CERS1: variants seen among roughly 807,000 people sequenced by gnomAD.
CERS1 encodes ceramide synthase 1.
Under a neutral mutation model 35.7 loss-of-function variants are expected in CERS1, and 16 were observed. That is an observed-to-expected ratio of 0.45 (90% CI 0.30 to 0.68). The LOEUF (loss-of-function observed/expected upper bound fraction) is 0.68. CERS1 is among the 30% of genes least tolerant of loss of function. The pLI is 0.08. For synonymous variants in CERS1, 243 were observed against 201.6 expected (o/e 1.21, Z -1.74); for missense variants, 454 against 453.9 (o/e 1.00, Z 0.00).
At position 18,878,830 on chromosome 19, in the gene CERS1, G is replaced by A. The variant is rs1263058637; in HGVS notation, c.1010+100C>T. On this transcript the variant is annotated intron_variant, in intron 6 of 7. Transcript: ENST00000623882. The surrounding 1 kb of genome is among the most constrained non-coding windows in gnomAD (Gnocchi z 4.6). ...AGGCTTGGGGGGCAGCATCCGCGTC[G>A]GCCTCATCTGCTGCTGGGTCTTGGG... 6 of 1,524,946 alleles carry A rather than the reference G, an allele frequency of 3.9e-6. No individual in the cohort carries two copies. The highest frequency in any genetic ancestry group is 4.4e-6 in the Non-Finnish European group (5 of 1,137,058). 94.5% of individuals were successfully genotyped at this position (1,524,946 alleles called of 1,614,324 possible). A position where few individuals can be genotyped will look rare whatever the true frequency, so the allele number is the denominator to read the frequency against.
At chr19:18,886,324 CG>C (rs1422640689) in intron 2 of CERS1, among the ~76,000 whole-genome samples, 2 of 151,992 alleles carry the variant, frequency 1.3e-5, no homozygotes, top group African/African-American at 4.8e-5. Context: ...CCGAGGCGGG[CG>C]GATCACAAGG....
rs533711419 is a variant in CERS1 at position 18,868,949 on chromosome 19, T to C, written c.*1036A>G. ...CCCGGGGCCGCCGCCCAACACGGGTTCGGCGTCGCGCCGCGGCCGGGCCAG... is the reference window on the plus strand; with the variant it reads ...CCCGGGGCCGCCGCCCAACACGGGTCCGGCGTCGCGCCGCGGCCGGGCCAG... On this transcript the variant is annotated 3_prime_UTR_variant, in exon 8 of 8. Coordinates refer to ENST00000623882, the MANE Select transcript of CERS1 (RefSeq NM_021267.5). 3.5e-5 allele frequency: 43 copies of C among 1,221,118 alleles called. No homozygotes were observed. In the African/African-American group the frequency reaches 5.8e-4, roughly 16 times the overall value. The allele number at this position is 1,221,118 out of a possible 1,614,324, so 75.6% of individuals were successfully genotyped here. A position where few individuals can be genotyped will look rare whatever the true frequency, so the allele number is the denominator to read the frequency against.
At chr19:18,869,522 C>T (rs2055923700) in intron 7 of CERS1, 132 bp from the exon 8 acceptor site, 7 of 845,696 alleles carry the variant, frequency 8.3e-6, no homozygotes, top group Non-Finnish European at 1.0e-5. Context: ...TGTGAAGCGG[C>T]GGGGTGGGCT....
At position 18,883,957 on chromosome 19, in the gene CERS1, C is replaced by T; in HGVS notation, c.590+130G>A. The stretch of plus-strand genomic sequence containing the variant: ...CTCGTCGGACCCCTGAGCACTCTGA[C>T]CTTGGAACCCTGAGCACTCCGACCT... On this transcript the variant is annotated intron_variant, in intron 3 of 7. Transcript: ENST00000623882. The T allele has an allele frequency of 4.0e-6, 4 of 991,976 alleles. No homozygotes were observed. In the South Asian group the frequency reaches 5.2e-5, roughly 13 times the overall value. 61.4% of individuals were successfully genotyped at this position (991,976 alleles called of 1,614,324 possible). A position where few individuals can be genotyped will look rare whatever the true frequency, so the allele number is the denominator to read the frequency against.
rs2056614156 is a variant in CERS1, at chr19:18,895,890, C to T, written c.183G>A (p.Leu61=). 2.4e-5 allele frequency: 31 copies of T among 1,273,184 alleles called. No homozygotes were observed. Among genetic ancestry groups the T allele is most frequent in the Non-Finnish European group, 3.1e-5 (31 of 1,010,454 alleles). The allele number at this position is 1,273,184 out of a possible 1,614,324, so 78.9% of individuals were successfully genotyped here. Residue 61 remains leucine (L), a synonymous_variant, in exon 1 of 8, where the codon CTG becomes CTA. Transcript: ENST00000623882. This position sits in a 1 kb window ranked among gnomAD's most constrained non-coding sequence, Gnocchi z 6.4. ...EHAHLAPPEL[L]LLALGALGWT... Reference sequence around the variant, plus strand: ...AGCCCAGCGCGCCGAGCGCCAGCAGCAGCAGCTCGGGCGGCGCCAGGTGCG... The same window carrying T: ...AGCCCAGCGCGCCGAGCGCCAGCAGTAGCAGCTCGGGCGGCGCCAGGTGCG...
chr19:18,873,894 A>G (rs768036018), intron 6 of CERS1, among the ~76,000 whole-genome samples: 20 of 151,530 alleles, frequency 1.3e-4, no homozygotes, highest in Non-Finnish European at 2.2e-4. Context: ...GGTTAGCACC[A>G]AGAGAGCCAC....
At position 18,878,764 on chromosome 19, in the gene CERS1, C is replaced by G. The variant is rs2056114295; in HGVS notation, c.1010+166G>C. The G allele has an allele frequency of 6.9e-7, 1 of 1,442,820 alleles. No individual in the cohort carries two copies. Among genetic ancestry groups the G allele is most frequent in the East Asian group, 2.6e-5 (1 of 39,144 alleles). The allele number at this position is 1,442,820 out of a possible 1,614,324, so 89.4% of individuals were successfully genotyped here. A position where few individuals can be genotyped will look rare whatever the true frequency, so the allele number is the denominator to read the frequency against. ...ACTGTCCTGTCCTTCAGGGTACTGG[C>G]CACATCGTCCACGCCTTTATTGCAG... On this transcript the variant is annotated intron_variant, in intron 6 of 7. Coordinates refer to ENST00000623882, the MANE Select transcript of CERS1 (RefSeq NM_021267.5). The surrounding 1 kb of genome is among the most constrained non-coding windows in gnomAD (Gnocchi z 4.6).
rs1220079011 is a variant in CERS1 at position 18,870,136 on chromosome 19, C to T, written c.*441G>A. On this transcript the variant is annotated 3_prime_UTR_variant, in exon 7 of 8. Coordinates refer to ENST00000623882, the MANE Select transcript of CERS1 (RefSeq NM_021267.5). The surrounding 1 kb of genome is among the most constrained non-coding windows in gnomAD (Gnocchi z 5.1). Reference sequence around the variant, plus strand: ...AACAGGCGCCACATGACCGGGGGAACCGGCCGGAGCCTGGGGGCACCCTGG... The same window carrying T: ...AACAGGCGCCACATGACCGGGGGAATCGGCCGGAGCCTGGGGGCACCCTGG... 1 of 1,564,324 alleles carries T rather than the reference C, an allele frequency of 6.4e-7. No homozygotes were observed. Among genetic ancestry groups the T allele is most frequent in the South Asian group, 1.2e-5 (1 of 85,862 alleles).
At position 18,884,286 on chromosome 19, in the gene CERS1, CA is replaced by C; in HGVS notation, c.410-20del. On this transcript the variant is annotated intron_variant, in intron 2 of 7. Transcript: ENST00000623882. ...GTCCAGTCTGGGGAGAGCCAAATCT[CA>C]CAGTCAGGGCCCTGCGAAGCCTCTA... 1 of 1,602,618 alleles carries C rather than the reference CA, an allele frequency of 6.2e-7. No homozygotes were observed. Among genetic ancestry groups the C allele is most frequent in the Non-Finnish European group, 8.5e-7 (1 of 1,176,058 alleles).
In CERS1 at chr19:18,869,245, TGCC is replaced by T. The variant is rs571387097; in HGVS notation, c.*737_*739del. 2.2e-4 allele frequency: 311 copies of T among 1,421,404 alleles called. No individual in the cohort carries two copies. Among genetic ancestry groups the T allele is most frequent in the South Asian group, 8.2e-4 (56 of 67,904 alleles). The allele number at this position is 1,421,404 out of a possible 1,614,324, so 88.0% of individuals were successfully genotyped here. A position where few individuals can be genotyped will look rare whatever the true frequency, so the allele number is the denominator to read the frequency against. On this transcript the variant is annotated 3_prime_UTR_variant, in exon 8 of 8. Transcript: ENST00000623882. ...TCAGCTCCCAGCCGCCCTCCGGGGC[TGCC>T]GCCGCCGCCGCCGCGAAACGCAGCT...
intron 2 of CERS1, among the ~76,000 whole-genome samples, chr19:18,891,445 G>A (rs1330799822): frequency 6.6e-6 from 1 of 152,128 alleles, no homozygotes; most frequent in Non-Finnish European, 1.5e-5. Flanking sequence ...TGGCGATGCC[G>A]GCCCTGCCCT....
At position 18,879,279 on chromosome 19, in the gene CERS1, G is replaced by T; in HGVS notation, c.862C>A (p.Leu288Met). 6.2e-7 allele frequency: 1 copy of T among 1,613,542 alleles called. No homozygotes were observed. Among genetic ancestry groups the T allele is most frequent in the Non-Finnish European group, 8.5e-7 (1 of 1,179,740 alleles). The change falls in exon 5 of 8, where the codon CTG becomes ATG. Residue 288 changes from leucine to methionine, a missense_variant. Coordinates refer to ENST00000623882, the MANE Select transcript of CERS1 (RefSeq NM_021267.5). ...AGGTTCATAAGGGTGAGCAGCAGCA[G>T]GAGCGCATTGAAGAAGAAGTAGAAG... ...IPFYFFFNAL[L>M]LLLTLMNLYW...
At position 18,868,668 on chromosome 19, in the gene CERS1, A is replaced by T; in HGVS notation, c.*1317T>A. 1.3e-6 allele frequency: 2 copies of T among 1,574,482 alleles called. No homozygotes were observed. The highest frequency in any genetic ancestry group is 1.7e-6 in the Non-Finnish European group (2 of 1,159,932). On this transcript the variant is annotated 3_prime_UTR_variant, in exon 8 of 8. Transcript: ENST00000623882. ...AGCACCACGTTGTCGCTGTTGTCAAAGAAGAGCACGGAGATGGGCGACAGG... is the reference window on the plus strand; with the variant it reads ...AGCACCACGTTGTCGCTGTTGTCAATGAAGAGCACGGAGATGGGCGACAGG...
intron 3 of CERS1, 67 bp downstream of exon 3, chr19:18,884,020 G>A (rs941611200): frequency 4.2e-5 from 63 of 1,516,722 alleles, no homozygotes; most frequent in Non-Finnish European, 5.4e-5. Context: ...GTGCCCCGCC[G>A]CAACATCAGC....
In CERS1 at chr19:18,875,064, G is replaced by A. The variant is rs76969770; in HGVS notation, c.1010+3866C>T. The stretch of plus-strand genomic sequence containing the variant: ...AAACTGGGTAATATAGTGAGATCTC[G>A]TCTCTACAAAAACACTTTAAAATTA... On this transcript the variant is annotated intron_variant, in intron 6 of 7. Transcript: ENST00000623882. Among the ~76,000 whole-genome samples the A allele has an allele frequency of 5.0e-3, 756 of 151,754 alleles. 35 individuals are homozygous for A. In the East Asian group the frequency reaches 0.13, roughly 26 times the overall value.
rs1358513119 is a variant in CERS1, at chr19:18,869,239, C to T, written c.*746G>A. 3.5e-6 allele frequency: 5 copies of T among 1,418,048 alleles called. No individual in the cohort carries two copies. The Admixed American group carries it at 9.0e-5, about 26-fold the overall frequency. The allele number at this position is 1,418,048 out of a possible 1,614,324, so 87.8% of individuals were successfully genotyped here. ...CCACGCTCAGCTCCCAGCCGCCCTC[C>T]GGGGCTGCCGCCGCCGCCGCCGCGA... On this transcript the variant is annotated 3_prime_UTR_variant, in exon 8 of 8. Transcript: ENST00000623882.
Position 18,889,656 on chromosome 19 carries a change from C to T in CERS1, c.409+3760G>A, listed in dbSNP as rs538040731. Among the ~76,000 whole-genome samples the T allele has an allele frequency of 8.5e-5, 13 of 152,264 alleles. No individual in the cohort carries two copies. In the South Asian group the frequency reaches 2.7e-3, roughly 32 times the overall value. On this transcript the variant is annotated intron_variant, in intron 2 of 7. Transcript: ENST00000623882. ...TATTCCCAAGGTTGGTCTCGAACTC[C>T]TGGGCTCAAGTGATCCTCCCACCTT...
intron 7 of CERS1, 102 bp from the exon 8 acceptor site, chr19:18,869,492 C>A: frequency 7.2e-7 from 1 of 1,393,828 alleles, no homozygotes; most frequent in Admixed American, 2.5e-5. Context: ...GGGCTCGGGG[C>A]GCACCGTCTG....
Position 18,896,094 on chromosome 19 carries a change from C to T in CERS1, c.-22G>A. 1 of 918,954 alleles carries T rather than the reference C, an allele frequency of 1.1e-6. No homozygotes were observed. The highest frequency in any genetic ancestry group is 1.3e-6 in the Non-Finnish European group (1 of 771,824). 56.9% of individuals were successfully genotyped at this position (918,954 alleles called of 1,614,324 possible). ...CCATACCGCCCGCTCGCCCGCCGTG[C>T]CCGTCGCCTGCGCCCGCCCGCGGTA... On this transcript the variant is annotated 5_prime_UTR_variant, in exon 1 of 8. Transcript: ENST00000623882. The surrounding 1 kb of genome is among the most constrained non-coding windows in gnomAD (Gnocchi z 5.9).
Sources: gnomAD v4.1 joint callset for allele counts (sites outside exome capture counted in the v4.1 genomes callset) on GRCh38, gnomAD v4.1.1 for gene constraint, Gnocchi (gnomAD v3.1) non-coding constraint, MANE v1.5 for transcripts, NCBI Gene and HGNC (gene_info 2026-07-23, HGNC 2026-07-21) for gene names.